The following FNBP1L variants were observed in gnomAD, a reference collection of about 807,000 sequenced individuals.
The protein encoded by FNBP1L is formin-binding protein 1-like.
A neutral mutation model predicts 91.2 loss-of-function variants in FNBP1L; 36 were observed. That is an observed-to-expected ratio of 0.39 (90% confidence interval 0.30 to 0.52). FNBP1L has a LOEUF of 0.52. Ranked by LOEUF, FNBP1L falls within the 20% of genes least tolerant of loss-of-function variation. The probability of loss-of-function intolerance (pLI) is 0.66; values close to 1 mark genes in which losing one functional copy is unlikely to be tolerated. For missense variants in FNBP1L, 571 were observed against 732.1 expected (o/e 0.78, Z 2.54); for synonymous variants, 242 against 237.0 (o/e 1.02, Z -0.19).
At chr1:93,513,860 A>G (rs1019800795) in intron 2 of FNBP1L, among the ~76,000 whole-genome samples, 4 of 152,192 alleles carry the variant, frequency 2.6e-5, no homozygotes, top group African/African-American at 9.6e-5. Flanking sequence ...AAACTGGCAC[A>G]AGACAGGGAT....
intron 2 of FNBP1L, among the ~76,000 whole-genome samples, chr1:93,505,242 G>T (rs1440824546): frequency 6.6e-6 from 1 of 151,654 alleles, no homozygotes; most frequent in African/African-American, 2.4e-5. Flanking sequence ...CCTCGGAGCC[G>T]TAAAGAAATA....
chr1:93,521,807 A>G (rs942109858), intron 2 of FNBP1L, among the ~76,000 whole-genome samples: 2 of 152,082 alleles, frequency 1.3e-5, no homozygotes, highest in East Asian at 1.9e-4. Context: ...CCTCTTAACT[A>G]TTTTCTTATT....
intron 11 of FNBP1L, 95 bp downstream of exon 11, chr1:93,541,151 C>A: frequency 1.7e-6 from 2 of 1,173,226 alleles, no homozygotes; most frequent in Admixed American, 2.0e-5. Flanking sequence ...AATTACATCC[C>A]ACGTTTTCAC....
rs557122249 is a variant in FNBP1L, at chr1:93,506,004, T to G, written c.140+6421T>G. On this transcript the variant is annotated intron_variant, in intron 2 of 16. Transcript: ENST00000271234. ...GCTTCATTCTTTTGCAATGGATACC[T>G]TTTATGTTTAATTTTTTTACTATAA... Among the ~76,000 whole-genome samples, 3 of 152,294 alleles carry G rather than the reference T, an allele frequency of 2.0e-5. No homozygotes were observed. The South Asian group carries it at 6.2e-4, about 32-fold the overall frequency.
At chr1:93,521,727 C>T (rs903689601) in intron 2 of FNBP1L, among the ~76,000 whole-genome samples, 2 of 152,032 alleles carry the variant, frequency 1.3e-5, no homozygotes, top group Admixed American at 6.5e-5. Flanking sequence ...ATTTTTGACC[C>T]GTCGTTGAAT....
At chr1:93,549,086 A>T (rs1314364040) in intron 14 of FNBP1L, among the ~76,000 whole-genome samples, 192 bp from the exon 15 acceptor site, 1 of 152,168 alleles carries the variant, frequency 6.6e-6, no homozygotes, top group Non-Finnish European at 1.5e-5. Flanking sequence ...TTAATTCAGG[A>T]AATTCAGCAA....
At chr1:93,515,659 G>A (rs985012786) in intron 2 of FNBP1L, among the ~76,000 whole-genome samples, 46 of 150,060 alleles carry the variant, frequency 3.1e-4, no homozygotes, top group Middle Eastern at 6.8e-3. Flanking sequence ...GTAAACTATC[G>A]CAAGCACAAA....
At position 93,448,315 on chromosome 1, in the gene FNBP1L, G is replaced by A. The variant is rs1218042275; in HGVS notation, c.24+10G>A. On this transcript the variant is annotated intron_variant, in intron 1 of 16. Coordinates refer to ENST00000271234, the MANE Select transcript of FNBP1L (RefSeq NM_001164473.3). ...GGGCACGGAGCTGTGGGTGAGTCGG[G>A]GAGAGGGGCGCCCCGCACGGACCCC... 4.0e-6 allele frequency: 6 copies of A among 1,508,170 alleles called. No homozygotes were observed. The highest frequency in any genetic ancestry group is 3.8e-5 in the South Asian group (3 of 79,990). The allele number at this position is 1,508,170 out of a possible 1,614,324, so 93.4% of individuals were successfully genotyped here.
intron 8 of FNBP1L, among the ~76,000 whole-genome samples, chr1:93,533,730 A>T (rs1671758046): frequency 6.6e-6 from 1 of 152,132 alleles, no homozygotes; most frequent in Non-Finnish European, 1.5e-5. Flanking sequence ...ATTAGTGAGG[A>T]TCCTTTCTGT....
chr1:93,496,639 A>G (rs1426564973), intron 1 of FNBP1L, among the ~76,000 whole-genome samples: 1 of 152,134 alleles, frequency 6.6e-6, no homozygotes, highest in African/African-American at 2.4e-5. Flanking sequence ...CCTGAGCTCA[A>G]GAGATTCTCT....
Position 93,448,182 on chromosome 1 carries a change from G to A in FNBP1L, c.-100G>A. On this transcript the variant is annotated 5_prime_UTR_variant, in exon 1 of 17. Transcript: ENST00000271234. ...CGGCACCTTTCGAGGTAGACCCGCTGAGCTGCTAGCCCGCCGGCCAGCGAG... is the reference window on the plus strand; with the variant it reads ...CGGCACCTTTCGAGGTAGACCCGCTAAGCTGCTAGCCCGCCGGCCAGCGAG... 2 of 1,455,854 alleles carry A rather than the reference G, an allele frequency of 1.4e-6. No individual in the cohort carries two copies. The highest frequency in any genetic ancestry group is 2.2e-5 in the Admixed American group (1 of 45,544). The allele number at this position is 1,455,854 out of a possible 1,614,324, so 90.2% of individuals were successfully genotyped here. A position where few individuals can be genotyped will look rare whatever the true frequency, so the allele number is the denominator to read the frequency against.
intron 1 of FNBP1L, among the ~76,000 whole-genome samples, chr1:93,483,232 C>T (rs1669779025): frequency 6.7e-6 from 1 of 149,500 alleles, no homozygotes; most frequent in African/African-American, 2.5e-5. Context: ...CTAGTAGCAA[C>T]CACCCTACCG....
At chr1:93,453,614 A>T (rs533778372) in intron 1 of FNBP1L, among the ~76,000 whole-genome samples, 1 of 152,324 alleles carries the variant, frequency 6.6e-6, no homozygotes, top group African/African-American at 2.4e-5. Flanking sequence ...CTTATTTAAT[A>T]ATCTTCAATC....
chr1:93,499,101 T>C (rs889189173), intron 1 of FNBP1L, among the ~76,000 whole-genome samples: 1 of 152,154 alleles, frequency 6.6e-6, no homozygotes, highest in Non-Finnish European at 1.5e-5. Context: ...TTAGGGAGGC[T>C]TGGGGACCTG....
At chr1:93,512,399 A>T (rs1331464331) in intron 2 of FNBP1L, among the ~76,000 whole-genome samples, 8 of 151,530 alleles carry the variant, frequency 5.3e-5, no homozygotes, top group Admixed American at 4.6e-4. Context: ...CAGGAATTGA[A>T]CTCAGCTCTG....
intron 4 of FNBP1L, 110 bp downstream of exon 4, chr1:93,523,601 C>T (rs1277620900): frequency 9.9e-7 from 1 of 1,005,386 alleles, no homozygotes; most frequent in Non-Finnish European, 1.4e-6. Flanking sequence ...TTCTATTTCA[C>T]TACATTTCTT....
chr1:93,512,837 A>G (rs1378925506), intron 2 of FNBP1L, among the ~76,000 whole-genome samples: 1 of 152,150 alleles, frequency 6.6e-6, no homozygotes, highest in Non-Finnish European at 1.5e-5. Context: ...TCCAAAATTG[A>G]CACTCTAACA....
chr1:93,451,585 A>T (rs1322612389), intron 1 of FNBP1L, among the ~76,000 whole-genome samples: 1 of 152,158 alleles, frequency 6.6e-6, no homozygotes, highest in Non-Finnish European at 1.5e-5. Context: ...TTCTTGGTCG[A>T]TATAATCTTT....
intron 2 of FNBP1L, among the ~76,000 whole-genome samples, chr1:93,502,959 G>A (rs1310879351): frequency 6.6e-6 from 1 of 152,194 alleles, no homozygotes; most frequent in Non-Finnish European, 1.5e-5. Flanking sequence ...CCAAAGGGAA[G>A]AGGTTTGCCT....
Sources: gnomAD v4.1 joint callset for allele counts (sites outside exome capture counted in the v4.1 genomes callset) on GRCh38, gnomAD v4.1.1 for gene constraint, MANE v1.5 for transcripts, NCBI Gene and HGNC (gene_info 2026-07-23, HGNC 2026-07-21) for gene names.